Variants in ZRANB3 observed in about 807,000 individuals in gnomAD.
The protein encoded by ZRANB3 is DNA annealing helicase and endonuclease ZRANB3.
A neutral mutation model predicts 133.8 loss-of-function variants in ZRANB3; 125 were observed. The observed-to-expected ratio is 0.93, with a 90% CI of 0.81 to 1.08. The LOEUF (loss-of-function observed/expected upper bound fraction) is 1.08. Ranked by LOEUF, ZRANB3 falls within the 50% of genes least tolerant of loss-of-function variation. The probability of loss-of-function intolerance (pLI) is 0.00; values close to 1 mark genes in which losing one functional copy is unlikely to be tolerated. For missense variants in ZRANB3, 1,229 were observed against 1,275.5 expected (o/e 0.96, Z 0.56); for synonymous variants, 387 against 432.7 (o/e 0.89, Z 1.31).
At chr2:135,234,172 C>G (rs1311529127) in intron 12 of ZRANB3, among the ~76,000 whole-genome samples, 1 of 152,080 alleles carries the variant, frequency 6.6e-6, no homozygotes, top group Non-Finnish European at 1.5e-5. Context: ...GACTTTAAAC[C>G]AACAAAGATC....
chr2:135,326,898 CAAAAAAAAA>C (rs56683794), intron 6 of ZRANB3, among the ~76,000 whole-genome samples: 2 of 61,462 alleles, frequency 3.3e-5, no homozygotes, highest in Admixed American at 1.8e-4. Context: ...GACTCCATCT[CAAAAAAAAA>C]AAAAAAAAAA....
intron 8 of ZRANB3, among the ~76,000 whole-genome samples, chr2:135,276,849 C>T (rs1680849294): frequency 6.6e-6 from 1 of 152,164 alleles, no homozygotes; most frequent in Non-Finnish European, 1.5e-5. Context: ...TAAAAAGGTT[C>T]AGAAAATGAC....
chr2:135,456,783 C>T (rs1157915223), intron 2 of ZRANB3, among the ~76,000 whole-genome samples: 2 of 152,116 alleles, frequency 1.3e-5, no homozygotes, highest in Non-Finnish European at 2.9e-5. Context: ...TCCTAAAGAA[C>T]CTCAAATTAT....
rs186231683 is a variant in ZRANB3 at position 135,512,445 on chromosome 2, T to A, written c.-7-7949A>T. Among the ~76,000 whole-genome samples the A allele has an allele frequency of 2.0e-3, 300 of 152,060 alleles. 1 individual carries two copies. Among genetic ancestry groups the A allele is most frequent in the African/African-American group, 7.0e-3 (289 of 41,528 alleles). On this transcript the variant is annotated intron_variant, in intron 1 of 20. Coordinates refer to ENST00000264159, the MANE Select transcript of ZRANB3 (RefSeq NM_032143.4). ...ACTTTGGGGAGATAATTTTTTTTTT[T>A]AATTAAGAATGTATTGGATGAAATT... is the stretch of plus-strand genomic sequence containing the variant.
At chr2:135,475,192 G>GT (rs1200098051) in intron 2 of ZRANB3, among the ~76,000 whole-genome samples, 1 of 152,116 alleles carries the variant, frequency 6.6e-6, no homozygotes, top group Admixed American at 6.5e-5. Context: ...TCTGTATTTT[G>GT]TAACTATTCC....
At chr2:135,397,982 T>C (rs1315160825) in intron 2 of ZRANB3, among the ~76,000 whole-genome samples, 1 of 152,222 alleles carries the variant, frequency 6.6e-6, no homozygotes, top group African/African-American at 2.4e-5. Flanking sequence ...TACATATCTT[T>C]GGAGAATTGC....
At chr2:135,261,275 A>G (rs568191480) in intron 12 of ZRANB3, among the ~76,000 whole-genome samples, 2 of 152,314 alleles carry the variant, frequency 1.3e-5, no homozygotes, top group African/African-American at 4.8e-5. Flanking sequence ...GTTCAGAAGA[A>G]AAATAAGTTA....
rs752789244 is a variant in ZRANB3, at chr2:135,521,424, T to A, written c.-8+9703A>T. The stretch of plus-strand genomic sequence containing the variant: ...TAGCCGGGCATGGTGGCAAGCTACT[T>A]GGGAGGCTGACAGAGGACAATCGCT... On this transcript the variant is annotated intron_variant, in intron 1 of 20. Coordinates refer to ENST00000264159, the MANE Select transcript of ZRANB3 (RefSeq NM_032143.4). 2.6e-4 allele frequency among the ~76,000 whole-genome samples: 40 copies of A among 152,196 alleles called. 1 individual carries two copies. Among genetic ancestry groups the A allele is most frequent in the Middle Eastern group, 3.4e-3 (1 of 294 alleles).
intron 2 of ZRANB3, among the ~76,000 whole-genome samples, chr2:135,446,057 T>G (rs1690007497): frequency 6.6e-6 from 1 of 150,806 alleles, no homozygotes; most frequent in South Asian, 2.1e-4. Context: ...ATACAAAAAC[T>G]TAGCTGGGCA....
chr2:135,403,850 G>A (rs560100165), intron 2 of ZRANB3, among the ~76,000 whole-genome samples: 16 of 152,354 alleles, frequency 1.1e-4, no homozygotes, highest in South Asian at 2.1e-4. Flanking sequence ...AGGGCCTGGA[G>A]TGGACCTCCA....
At chr2:135,472,468 C>T (rs947819511) in intron 2 of ZRANB3, among the ~76,000 whole-genome samples, 5 of 149,960 alleles carry the variant, frequency 3.3e-5, no homozygotes, top group African/African-American at 1.2e-4. Context: ...CTACTGCACT[C>T]CAGCCTGGGT....
intron 6 of ZRANB3, among the ~76,000 whole-genome samples, chr2:135,317,052 T>C (rs1160723637): frequency 6.6e-6 from 1 of 151,238 alleles, no homozygotes; most frequent in Non-Finnish European, 1.5e-5. Context: ...TGGAATCTAC[T>C]GTATGATAAA....
rs186715643 is a variant in ZRANB3, at chr2:135,498,633, C to T, written c.161+5696G>A. ...CCATTAAGTCTGGCTGCCTGAGAGC[C>T]GGGGCCATATCTCTCTTCTTTCAAA... On this transcript the variant is annotated intron_variant, in intron 2 of 20. Transcript: ENST00000264159. Among the ~76,000 whole-genome samples, 7 of 152,280 alleles carry T rather than the reference C, an allele frequency of 4.6e-5. No individual in the cohort carries two copies. In the East Asian group the frequency reaches 5.8e-4, roughly 13 times the overall value.
At chr2:135,327,871 GAT>G (rs1186566773) in intron 6 of ZRANB3, among the ~76,000 whole-genome samples, 1 of 151,948 alleles carries the variant, frequency 6.6e-6, no homozygotes, top group Non-Finnish European at 1.5e-5. Context: ...TTTAGTTACT[GAT>G]ATCAAAAAAT....
At chr2:135,315,215 A>G (rs1313102824) in intron 7 of ZRANB3, 144 bp downstream of exon 7, 1 of 752,768 alleles carries the variant, frequency 1.3e-6, no homozygotes, top group East Asian at 3.4e-5. Context: ...GCTGAAATAC[A>G]AAACCAATGT....
At chr2:135,455,534 A>T (rs2105010479) in intron 2 of ZRANB3, among the ~76,000 whole-genome samples, 1 of 146,964 alleles carries the variant, frequency 6.8e-6, no homozygotes, top group Non-Finnish European at 1.5e-5. Flanking sequence ...TCAACCTTCT[A>T]GTTCACCCTC....
At chr2:135,476,077 C>T (rs1191814235) in intron 2 of ZRANB3, among the ~76,000 whole-genome samples, 12 of 150,482 alleles carry the variant, frequency 8.0e-5, no homozygotes, top group Non-Finnish European at 1.8e-4. Context: ...GACTCCATCT[C>T]AAAAGAAAAA....
intron 2 of ZRANB3, among the ~76,000 whole-genome samples, chr2:135,393,885 T>C (rs182439721): frequency 6.6e-6 from 1 of 151,762 alleles, no homozygotes; most frequent in Admixed American, 6.6e-5. Flanking sequence ...TTAGATGGAG[T>C]CTCACTCTGT....
At chr2:135,350,305 GAAGA>G (rs1685148345) in intron 4 of ZRANB3, 90 bp from the exon 5 acceptor site, 3 of 864,932 alleles carry the variant, frequency 3.5e-6, no homozygotes, top group Admixed American at 2.8e-5. Flanking sequence ...ATACAGAGGA[GAAGA>G]AAGAAGAATA....
Sources: allele counts gnomAD v4.1 joint callset (sites outside exome capture counted in the v4.1 genomes callset), GRCh38; gene constraint gnomAD v4.1.1; transcripts MANE v1.5; gene names NCBI Gene and HGNC (gene_info 2026-07-23, HGNC 2026-07-21).